Variants in VOPP1 observed in about 807,000 individuals in gnomAD.
VOPP1 encodes the protein WW domain binding protein VOPP1.
A neutral mutation model predicts 23.5 loss-of-function variants in VOPP1; 8 were observed. The observed-to-expected ratio is 0.34, with a 90% CI of 0.20 to 0.61. The LOEUF (loss-of-function observed/expected upper bound fraction) is 0.61, where lower values mean the gene tolerates loss of function less well. Among genes scored for constraint, VOPP1 ranks in the 20% least tolerant of loss-of-function variants. The probability of loss-of-function intolerance (pLI) is 0.78; values close to 1 mark genes in which losing one functional copy is unlikely to be tolerated. For synonymous variants in VOPP1, 83 were observed against 97.3 expected, an observed-to-expected ratio of 0.85 and a Z score of 0.86; for missense variants, 174 against 238.1, an observed-to-expected ratio of 0.73 and a Z score of 1.77.
At chr7:55,547,706 C>T (rs1309930820) in intron 1 of VOPP1, among the ~76,000 whole-genome samples, 1 of 152,138 alleles carries the variant, frequency 6.6e-6, no homozygotes, top group Non-Finnish European at 1.5e-5. Context: ...TACACAAAAT[C>T]TAGATATTCA....
chr7:55,558,420 T>C (rs1797879762), intron 1 of VOPP1, among the ~76,000 whole-genome samples: 1 of 152,232 alleles, frequency 6.6e-6, no homozygotes, highest in Non-Finnish European at 1.5e-5. Context: ...ATTTTTAATA[T>C]GTTCCTTAAA....
chr7:55,538,720 A>G (rs1285723273), intron 1 of VOPP1: 2 of 1,494,458 alleles, frequency 1.3e-6, no homozygotes, highest in East Asian at 2.5e-5. Context: ...GGCGGATTAA[A>G]ATGAGTCATG....
chr7:55,484,842 G>A (rs902965552), intron 4 of VOPP1, among the ~76,000 whole-genome samples: 6 of 152,132 alleles, frequency 3.9e-5, no homozygotes, highest in Non-Finnish European at 8.8e-5. Context: ...AGAACTGGGG[G>A]AAGACACGTT....
chr7:55,532,401 C>G (rs1241266155), intron 1 of VOPP1, among the ~76,000 whole-genome samples: 1 of 152,064 alleles, frequency 6.6e-6, no homozygotes. Flanking sequence ...AACCACCTGG[C>G]GCATGCCCAC....
chr7:55,513,057 G>T (rs10215855), intron 2 of VOPP1, among the ~76,000 whole-genome samples: 2 of 152,114 alleles, frequency 1.3e-5, no homozygotes, highest in South Asian at 2.1e-4. Context: ...CAACAACACA[G>T]GGTAATATAA....
At chr7:55,480,724 A>G (rs1225636252) in intron 4 of VOPP1, among the ~76,000 whole-genome samples, 2 of 152,222 alleles carry the variant, frequency 1.3e-5, no homozygotes. Flanking sequence ...ATCTATTAAT[A>G]CCTCTAAAAA....
intron 1 of VOPP1, among the ~76,000 whole-genome samples, chr7:55,536,966 T>G (rs1213265109): frequency 6.6e-6 from 1 of 152,022 alleles, no homozygotes; most frequent in Non-Finnish European, 1.5e-5. Context: ...CAGGGGAAGG[T>G]GGGGCCTCCC....
chr7:55,481,454 A>AG (rs1448506948), intron 4 of VOPP1, among the ~76,000 whole-genome samples: 2 of 152,184 alleles, frequency 1.3e-5, no homozygotes, highest in Admixed American at 6.5e-5. Flanking sequence ...GTCTGAATAA[A>AG]GGGTGGTAGC....
intron 1 of VOPP1, among the ~76,000 whole-genome samples, chr7:55,563,283 AAGG>A (rs576291813): frequency 0.011 from 1,648 of 152,360 alleles, 11 homozygotes; most frequent in Middle Eastern, 0.024. Flanking sequence ...AAATTCAAAA[AAGG>A]AATGCTATAT....
chr7:55,491,173 C>G (rs920568387), intron 4 of VOPP1, among the ~76,000 whole-genome samples: 7 of 152,218 alleles, frequency 4.6e-5, no homozygotes, highest in Non-Finnish European at 1.0e-4. Context: ...ATAAACATCT[C>G]TATTACCTAC....
intron 1 of VOPP1, among the ~76,000 whole-genome samples, chr7:55,526,059 G>A (rs1796174763): frequency 6.6e-6 from 1 of 152,218 alleles, no homozygotes; most frequent in South Asian, 2.1e-4. Context: ...CCCTGCATGA[G>A]CACCTGTGGG....
rs956542302 is a variant in VOPP1 at position 55,512,200 on chromosome 7, C to T, written c.113+8872G>A. 3.3e-5 allele frequency among the ~76,000 whole-genome samples: 5 copies of T among 152,188 alleles called. No homozygotes were observed. The East Asian group carries it at 5.8e-4, about 18-fold the overall frequency. On this transcript the variant is annotated intron_variant, in intron 2 of 4. Transcript: ENST00000285279. ...CAGCACTTTGGGAGGCCGAGGCAGGCGGATCACTTGAGGTCAGGAGTTCGA... is the reference window on the plus strand; with the variant it reads ...CAGCACTTTGGGAGGCCGAGGCAGGTGGATCACTTGAGGTCAGGAGTTCGA...
chr7:55,533,402 A>G (rs896498206), intron 1 of VOPP1, among the ~76,000 whole-genome samples: 2 of 152,180 alleles, frequency 1.3e-5, no homozygotes, highest in Non-Finnish European at 2.9e-5. Flanking sequence ...TCACTTATAA[A>G]TATTTCTTCT....
intron 2 of VOPP1, among the ~76,000 whole-genome samples, chr7:55,513,272 G>A (rs1195428169): frequency 1.3e-5 from 2 of 152,178 alleles, no homozygotes; most frequent in Non-Finnish European, 1.5e-5. Context: ...TCCCACTTGA[G>A]TGGTGCTCTG....
intron 4 of VOPP1, among the ~76,000 whole-genome samples, chr7:55,453,914 T>C (rs942772597): frequency 6.6e-6 from 1 of 152,198 alleles, no homozygotes; most frequent in Non-Finnish European, 1.5e-5. Flanking sequence ...GTTTTTGAGA[T>C]CTTTTTTGGT....
rs1177170887 is a variant in VOPP1 at position 55,500,778 on chromosome 7, C to T, written c.114-3088G>A. 2.0e-5 allele frequency among the ~76,000 whole-genome samples: 3 copies of T among 152,172 alleles called. No individual in the cohort carries two copies. The East Asian group carries it at 5.8e-4, about 29-fold the overall frequency. Reference sequence around the variant, plus strand: ...TTATTAGTGCCATGTTTGAAATAAGCTTAGAAGCAAGACGTTAGAGATGTT... The same window carrying T: ...TTATTAGTGCCATGTTTGAAATAAGTTTAGAAGCAAGACGTTAGAGATGTT... On this transcript the variant is annotated intron_variant, in intron 2 of 4. Transcript: ENST00000285279.
At chr7:55,524,084 T>A (rs985988104) in intron 1 of VOPP1, among the ~76,000 whole-genome samples, 1 of 152,118 alleles carries the variant, frequency 6.6e-6, no homozygotes, top group Non-Finnish European at 1.5e-5. Context: ...ACACAGACAC[T>A]CACTCTTCTG....
At chr7:55,474,371 C>A (rs960016114) in intron 4 of VOPP1, among the ~76,000 whole-genome samples, 3 of 151,958 alleles carry the variant, frequency 2.0e-5, no homozygotes, top group Non-Finnish European at 2.9e-5. Context: ...AATTAAAAAA[C>A]CAAGGATTTT....
At chr7:55,538,499 A>G in intron 1 of VOPP1, 1 of 948,760 alleles carries the variant, frequency 1.1e-6, no homozygotes, top group Non-Finnish European at 1.5e-6. Context: ...CACAAACCAC[A>G]CAAAAAGAAC....
Sources: allele counts gnomAD v4.1 joint callset (sites outside exome capture counted in the v4.1 genomes callset), GRCh38; gene constraint gnomAD v4.1.1; transcripts MANE v1.5; gene names NCBI Gene and HGNC (gene_info 2026-07-23, HGNC 2026-07-21).